The following AGBL4 variants were observed in gnomAD, a reference collection of about 807,000 sequenced individuals.
AGBL4 encodes the protein AGBL carboxypeptidase 4.
A neutral mutation model predicts 66.4 loss-of-function variants in AGBL4; 58 were observed. That is an observed-to-expected ratio of 0.87 (90% CI 0.71 to 1.09). The LOEUF is 1.09. AGBL4 is among the 50% of genes least tolerant of loss of function. The pLI is 0.00. For missense variants in AGBL4, 579 were observed against 631.0 expected, an observed-to-expected ratio of 0.92 and a Z score of 0.88; for synonymous variants, 234 against 222.9, an observed-to-expected ratio of 1.05 and a Z score of -0.44.
At chr1:49,480,813 A>G (rs1310859390) in intron 3 of AGBL4, among the ~76,000 whole-genome samples, 1 of 151,966 alleles carries the variant, frequency 6.6e-6, no homozygotes, top group Non-Finnish European at 1.5e-5. Flanking sequence ...TAATTTTTGT[A>G]TGTGGTTTAA....
intron 9 of AGBL4, among the ~76,000 whole-genome samples, chr1:48,618,569 G>A (rs80026895): frequency 0.02 from 3,030 of 152,214 alleles, 118 homozygotes; most frequent in African/African-American, 0.07. Flanking sequence ...TCCACATAGG[G>A]CAAAATGATC....
intron 5 of AGBL4, among the ~76,000 whole-genome samples, chr1:48,874,712 G>A (rs542259260): frequency 6.6e-6 from 1 of 152,266 alleles, no homozygotes; most frequent in South Asian, 2.1e-4. Context: ...AGTGTGATAT[G>A]TAGCAGACTG....
intron 1 of AGBL4, among the ~76,000 whole-genome samples, chr1:49,991,652 T>C (rs963663772): frequency 6.6e-6 from 1 of 152,222 alleles, no homozygotes; most frequent in African/African-American, 2.4e-5. Flanking sequence ...TATACCATTA[T>C]TACTGCAAGT....
At chr1:48,624,537 G>T (rs887284843) in intron 9 of AGBL4, among the ~76,000 whole-genome samples, 1 of 152,220 alleles carries the variant, frequency 6.6e-6, no homozygotes, top group Non-Finnish European at 1.5e-5. Context: ...GGTTTACCCA[G>T]CTCTGTGGGA....
At chr1:49,690,193 T>C (rs949196153) in intron 3 of AGBL4, among the ~76,000 whole-genome samples, 5 of 152,212 alleles carry the variant, frequency 3.3e-5, no homozygotes, top group African/African-American at 7.2e-5. Context: ...CATAATGCTA[T>C]TGCACATTTT....
chr1:49,091,883 C>G (rs1440250334), intron 4 of AGBL4, among the ~76,000 whole-genome samples: 4 of 152,078 alleles, frequency 2.6e-5, no homozygotes, highest in African/African-American at 9.7e-5. Context: ...TTTGCAGCAA[C>G]ATGGATGGAG....
intron 3 of AGBL4, among the ~76,000 whole-genome samples, chr1:49,555,530 C>A (rs557729535): frequency 2.0e-5 from 3 of 146,830 alleles, no homozygotes; most frequent in African/African-American, 7.5e-5. Flanking sequence ...GTAAATGCAC[C>A]AATCAGCACT....
intron 5 of AGBL4, among the ~76,000 whole-genome samples, chr1:48,898,454 T>G (rs2148865592): frequency 6.6e-6 from 1 of 152,352 alleles, no homozygotes; most frequent in East Asian, 1.9e-4. Flanking sequence ...TTTAAGCCTT[T>G]AATCCATTTT....
At chr1:49,851,964 T>C (rs1479740842) in intron 1 of AGBL4, among the ~76,000 whole-genome samples, 1 of 152,186 alleles carries the variant, frequency 6.6e-6, no homozygotes, top group African/African-American at 2.4e-5. Flanking sequence ...AAAGCAGTCA[T>C]TCTATAAATA....
At chr1:48,900,188 C>A (rs925994232) in intron 5 of AGBL4, among the ~76,000 whole-genome samples, 2 of 152,042 alleles carry the variant, frequency 1.3e-5, no homozygotes, top group Admixed American at 1.3e-4. Flanking sequence ...AGATGGGGAC[C>A]AAGAAAGATG....
chr1:49,580,522 G>T (rs1644522040), intron 3 of AGBL4, among the ~76,000 whole-genome samples: 1 of 152,062 alleles, frequency 6.6e-6, no homozygotes, highest in South Asian at 2.1e-4. Context: ...TTTTCTTGAT[G>T]GTGACTATTG....
chr1:48,524,189 T>C, the AGBL4 span, among the ~76,000 whole-genome samples: 2 of 152,034 alleles, frequency 1.3e-5, no homozygotes, highest in African/African-American at 4.8e-5. Flanking sequence ...CCCCCTGGAA[T>C]CATGGAATTT....
chr1:49,289,414 C>G (rs920471142), intron 3 of AGBL4, among the ~76,000 whole-genome samples: 3 of 152,008 alleles, frequency 2.0e-5, no homozygotes, highest in Non-Finnish European at 4.4e-5. Context: ...AAAAGAAAAC[C>G]TATTATATGA....
chr1:49,227,490 C>G (rs1161254853), intron 4 of AGBL4, among the ~76,000 whole-genome samples: 1 of 152,116 alleles, frequency 6.6e-6, no homozygotes, highest in Non-Finnish European at 1.5e-5. Flanking sequence ...AGGTGCATAT[C>G]TGATCACTGA....
chr1:49,910,733 T>C (rs904292301), intron 1 of AGBL4, among the ~76,000 whole-genome samples: 2 of 151,784 alleles, frequency 1.3e-5, no homozygotes, highest in Non-Finnish European at 2.9e-5. Flanking sequence ...CCCAGCACTT[T>C]GGGAGGCCGA....
At chr1:48,828,998 T>C (rs1646491424) in intron 6 of AGBL4, among the ~76,000 whole-genome samples, 1 of 152,154 alleles carries the variant, frequency 6.6e-6, no homozygotes, top group South Asian at 2.1e-4. Flanking sequence ...TAAAGGGTTG[T>C]TGAGATAGAA....
At chr1:49,356,735 G>T (rs1001873250) in intron 3 of AGBL4, among the ~76,000 whole-genome samples, 4 of 152,162 alleles carry the variant, frequency 2.6e-5, no homozygotes, top group African/African-American at 9.7e-5. Context: ...TAGTGCTGAA[G>T]GTTTGTTGAG....
intron 6 of AGBL4, among the ~76,000 whole-genome samples, chr1:48,694,058 A>G (rs1308793762): frequency 6.6e-6 from 1 of 151,700 alleles, no homozygotes; most frequent in East Asian, 1.9e-4. Flanking sequence ...CAAAAAAAAA[A>G]AAAAAAAAAA....
intron 9 of AGBL4, among the ~76,000 whole-genome samples, chr1:48,617,579 G>A (rs1234317759): frequency 3.3e-5 from 5 of 152,172 alleles, no homozygotes; most frequent in East Asian, 1.9e-4. Flanking sequence ...CTCTTCCTAC[G>A]TGCTTCTGTT....
Sources: allele counts gnomAD v4.1 joint callset (sites outside exome capture counted in the v4.1 genomes callset), GRCh38; gene constraint gnomAD v4.1.1; transcripts MANE v1.5; gene names NCBI Gene and HGNC (gene_info 2026-07-23, HGNC 2026-07-21).